The following TSPAN15 variants were observed in gnomAD, a reference collection of about 807,000 sequenced individuals.
TSPAN15 encodes the protein tetraspanin 15.
Under a neutral mutation model 34.5 loss-of-function variants are expected in TSPAN15, and 20 were observed. The observed-to-expected ratio is 0.58, with a 90% CI of 0.41 to 0.84. TSPAN15 has a LOEUF of 0.84. Ranked by LOEUF, TSPAN15 falls within the 40% of genes least tolerant of loss-of-function variation. The probability of loss-of-function intolerance (pLI) is 0.00; values close to 1 mark genes in which losing one functional copy is unlikely to be tolerated. For synonymous variants in TSPAN15, 155 were observed against 153.9 expected (o/e 1.01, Z -0.05); for missense variants, 313 against 386.1 (o/e 0.81, Z 1.59).
rs1554830583 is a variant in TSPAN15, at chr10:69,455,628, C to CCCG, written c.96+3940_96+3941insGCC. On this transcript the variant is annotated intron_variant, in intron 1 of 7. Transcript: ENST00000373290. ...TCTTTCTCTCTCTCTCTCTCTCTCC[C>CCCG]CCCCCCGTCTCTTTCTTTCTTCCTT... 7.5e-4 allele frequency among the ~76,000 whole-genome samples: 86 copies of CCCG among 114,582 alleles called. 1 individual carries two copies. The highest frequency in any genetic ancestry group is 4.0e-3 in the Middle Eastern group (1 of 250). 75.2% of individuals were successfully genotyped at this position (114,582 alleles called of 152,430 possible). A position where few individuals can be genotyped will look rare whatever the true frequency, so the allele number is the denominator to read the frequency against.
At position 69,483,817 on chromosome 10, in the gene TSPAN15, A is replaced by G. The variant is rs775416227; in HGVS notation, c.223A>G (p.Met75Val). ...CATCCTCCTGGGCGTCGTCATGTTC[A>G]TGGTCTCCTTCATTGGTGTGCTGGC... ...ILILLGVVMFMVSFIGVLASL... is the reference protein window; with the variant it reads ...ILILLGVVMFVVSFIGVLASL... Residue 75 changes from methionine to valine, a missense_variant, in exon 2 of 8, where the codon ATG becomes GTG. By Grantham distance (21) the Met-to-Val change is conservative. Transcript: ENST00000373290. The G allele has an allele frequency of 5.0e-6, 8 of 1,614,008 alleles. No homozygotes were observed. In the East Asian group the frequency reaches 6.7e-5, roughly 13 times the overall value.
At chr10:69,487,811 C>T (rs542313457) in intron 3 of TSPAN15, among the ~76,000 whole-genome samples, 1 of 152,252 alleles carries the variant, frequency 6.6e-6, no homozygotes, top group African/African-American at 2.4e-5. Flanking sequence ...TTTCCGTGGG[C>T]CTGAGGTCAG....
chr10:69,548,624 T>C, the TSPAN15 span, among the ~76,000 whole-genome samples: 1 of 152,046 alleles, frequency 6.6e-6, no homozygotes, highest in African/African-American at 2.4e-5. Context: ...GAGTTGAGGA[T>C]ACAAAGAAGA....
rs1564618251 is a variant in TSPAN15, at chr10:69,506,800, C to T, written c.736-29C>T. ...GAGGGCTGCCCTGATTCCCAGCAGG[C>T]CCTCACCAGCCCTGCCCCTTCTTCT... On this transcript the variant is annotated intron_variant, in intron 7 of 7. Transcript: ENST00000373290. The surrounding 1 kb of genome is among the most constrained non-coding windows in gnomAD (Gnocchi z 4.7). The T allele has an allele frequency of 3.2e-6, 5 of 1,552,354 alleles. No homozygotes were observed. Among genetic ancestry groups the T allele is most frequent in the South Asian group, 2.4e-5 (2 of 84,374 alleles).
At chr10:69,537,415 G>T in the TSPAN15 span, among the ~76,000 whole-genome samples, 1 of 152,164 alleles carries the variant, frequency 6.6e-6, no homozygotes, top group African/African-American at 2.4e-5. Flanking sequence ...CATCTGTGCT[G>T]AAAACTGGGT....
At chr10:69,535,246 T>A in the TSPAN15 span, among the ~76,000 whole-genome samples, 107 of 152,064 alleles carry the variant, frequency 7.0e-4, 1 homozygote, top group Non-Finnish European at 1.3e-3. Context: ...GAATATCTTA[T>A]CATACCAGAC....
the TSPAN15 span, among the ~76,000 whole-genome samples, chr10:69,532,496 G>A: frequency 3.9e-5 from 6 of 152,114 alleles, no homozygotes; most frequent in African/African-American, 1.4e-4. Context: ...AATGAAACTC[G>A]ACCTTCATCT....
the TSPAN15 span, among the ~76,000 whole-genome samples, chr10:69,545,123 C>T: frequency 6.6e-6 from 1 of 152,174 alleles, no homozygotes; most frequent in Non-Finnish European, 1.5e-5. Flanking sequence ...TTTTGGTGAG[C>T]TTTGGTCCCA....
the TSPAN15 span, among the ~76,000 whole-genome samples, chr10:69,529,056 GC>G: frequency 1.3e-4 from 19 of 148,282 alleles, 1 homozygote; most frequent in Non-Finnish European, 2.7e-4. Flanking sequence ...TGTTCATGGT[GC>G]CCCGGCTCTG....
chr10:69,490,797 C>G (rs150333700), intron 3 of TSPAN15, among the ~76,000 whole-genome samples: 1 of 152,208 alleles, frequency 6.6e-6, no homozygotes, highest in Non-Finnish European at 1.5e-5. Flanking sequence ...GTTGTTTATG[C>G]TGTATTGTTC....
the TSPAN15 span, among the ~76,000 whole-genome samples, chr10:69,523,071 G>T: frequency 7.4e-5 from 11 of 147,710 alleles, no homozygotes; most frequent in Middle Eastern, 3.4e-3. Context: ...TTAGGTCTTT[G>T]GTCCATTTTG....
Position 69,506,091 on chromosome 10 carries a change from T to C in TSPAN15, c.619-33T>C. ...CTGTGGCTCCTGCCAGCCGAGGTCC[T>C]CTGCTGGGCTGACCCAGCTCCTTCC... On this transcript the variant is annotated intron_variant, in intron 6 of 7. Coordinates refer to ENST00000373290, the MANE Select transcript of TSPAN15 (RefSeq NM_012339.5). This position sits in a 1 kb window ranked among gnomAD's most constrained non-coding sequence, Gnocchi z 4.7. 1.3e-6 allele frequency: 2 copies of C among 1,595,720 alleles called. No individual in the cohort carries two copies. Among genetic ancestry groups the C allele is most frequent in the Non-Finnish European group, 1.7e-6 (2 of 1,164,858 alleles).
intron 1 of TSPAN15, among the ~76,000 whole-genome samples, chr10:69,464,070 CA>C (rs1841329362): frequency 6.6e-6 from 1 of 152,174 alleles, no homozygotes; most frequent in Admixed American, 6.5e-5. Context: ...TGTGTGCAGA[CA>C]GGGGCAGACA....
chr10:69,506,005 A>C lies in TSPAN15; in HGVS notation c.619-119A>C, dbSNP rs912840010. ...TCACCTTCTCATGCTGCATATGGGA[A>C]ACTGAGGATCACAGCGGTTGAGGGA... On this transcript the variant is annotated intron_variant, in intron 6 of 7. Transcript: ENST00000373290. The surrounding 1 kb of genome is among the most constrained non-coding windows in gnomAD (Gnocchi z 4.7). 4 of 744,680 alleles carry C rather than the reference A, an allele frequency of 5.4e-6. No individual in the cohort carries two copies. In the Admixed American group the frequency reaches 9.5e-5, roughly 18 times the overall value. The allele number at this position is 744,680 out of a possible 1,614,324, so 46.1% of individuals were successfully genotyped here.
intron 3 of TSPAN15, 82 bp from the exon 4 acceptor site, chr10:69,495,512 C>A: frequency 9.9e-7 from 1 of 1,014,104 alleles, no homozygotes; most frequent in Admixed American, 1.8e-5. Context: ...GCATTCTCTA[C>A]CCATCCAGGC....
At chr10:69,546,355 C>T in the TSPAN15 span, among the ~76,000 whole-genome samples, 5 of 152,178 alleles carry the variant, frequency 3.3e-5, no homozygotes, top group Non-Finnish European at 7.3e-5. Context: ...TATTCCTTGG[C>T]CTTCTCATCT....
At chr10:69,484,098 T>C in intron 2 of TSPAN15, 2 of 458,076 alleles carry the variant, frequency 4.4e-6, no homozygotes, top group Admixed American at 7.2e-5. Context: ...ACTTAAACTC[T>C]GTGTTCATCT....
chr10:69,479,323 T>C (rs1333198615), intron 1 of TSPAN15, among the ~76,000 whole-genome samples: 3 of 152,246 alleles, frequency 2.0e-5, no homozygotes, highest in Non-Finnish European at 2.9e-5. Flanking sequence ...TGCCTGGAAC[T>C]GGGCCTCTCC....
rs1253481611 is a variant in TSPAN15, at chr10:69,476,934, G to A, written c.97-6757G>A. 2.6e-5 allele frequency among the ~76,000 whole-genome samples: 4 copies of A among 152,036 alleles called. 1 individual carries two copies. Among genetic ancestry groups the A allele is most frequent in the Non-Finnish European group, 4.4e-5 (3 of 67,986 alleles). On this transcript the variant is annotated intron_variant, in intron 1 of 7. Transcript: ENST00000373290. ...CGGTGCTCCCTAGGGGAGACAGAAT[G>A]GGCCCTTTAGCGGTTTGGATTGGGG...
Sources: gnomAD v4.1 joint callset for allele counts (sites outside exome capture counted in the v4.1 genomes callset) on GRCh38, gnomAD v4.1.1 for gene constraint, Gnocchi (gnomAD v3.1) non-coding constraint, MANE v1.5 for transcripts, NCBI Gene and HGNC (gene_info 2026-07-23, HGNC 2026-07-21) for gene names.